VAV2: variants seen among roughly 807,000 people sequenced by gnomAD.
VAV2 encodes guanine nucleotide exchange factor VAV2.
A neutral mutation model predicts 132.5 loss-of-function variants in VAV2; 67 were observed. The observed-to-expected ratio is 0.51, with a 90% confidence interval of 0.42 to 0.62. The LOEUF is 0.62. VAV2 is among the 20% of genes least tolerant of loss of function. The pLI, the probability that VAV2 is intolerant of heterozygous loss-of-function variation, is 0.00. For synonymous variants in VAV2, 492 were observed against 443.5 expected, an observed-to-expected ratio of 1.11 and a Z score of -1.37; for missense variants, 938 against 1,153.6, an observed-to-expected ratio of 0.81 and a Z score of 2.71.
rs1588178440 is a variant in VAV2 at position 133,791,224 on chromosome 9, T to C, written c.1188+559A>G. Among the ~76,000 whole-genome samples the C allele has an allele frequency of 3.9e-5, 6 of 152,298 alleles. 1 individual carries two copies. In the South Asian group the frequency reaches 1.2e-3, roughly 32 times the overall value. ...CTCTCCCCAGGCAGGACGAGGTGAC[T>C]GACTCGGTAGCCCAAGCCTGGCCTC... On this transcript the variant is annotated intron_variant, in intron 13 of 29. Coordinates refer to ENST00000371850, the MANE Select transcript of VAV2 (RefSeq NM_001134398.2).
chr9:133,900,480 T>A (rs956517800), intron 2 of VAV2, among the ~76,000 whole-genome samples: 2 of 151,968 alleles, frequency 1.3e-5, no homozygotes, highest in Non-Finnish European at 2.9e-5. Context: ...CTCCACCCTA[T>A]CTGTATAAAA....
intron 3 of VAV2, among the ~76,000 whole-genome samples, chr9:133,855,926 C>T (rs556607610): frequency 7.6e-4 from 115 of 152,204 alleles, no homozygotes; most frequent in Non-Finnish European, 1.3e-3. Flanking sequence ...ACGTGATAAA[C>T]GGATACGCAA....
At chr9:133,827,530 CCACTGAG>C (rs141443105) in intron 4 of VAV2, among the ~76,000 whole-genome samples, 1 of 74,828 alleles carries the variant, frequency 1.3e-5, no homozygotes. Context: ...CTGGGGCTGA[CCACTGAG>C]CACGGGCATC....
chr9:133,962,656 G>C (rs756979202), intron 1 of VAV2, among the ~76,000 whole-genome samples: 1 of 152,184 alleles, frequency 6.6e-6, no homozygotes, highest in South Asian at 2.1e-4. Context: ...GCTGGGACTC[G>C]GGGGGCTGTG....
intron 1 of VAV2, among the ~76,000 whole-genome samples, chr9:133,954,974 T>C (rs1056017173): frequency 1.3e-5 from 2 of 152,162 alleles, no homozygotes; most frequent in African/African-American, 2.4e-5. Context: ...GTTTTCATTA[T>C]ACTGCTGTTT....
At position 133,820,574 on chromosome 9, in the gene VAV2, C is replaced by T. The variant is rs1009159913; in HGVS notation, c.450-8358G>A. Among the ~76,000 whole-genome samples the T allele has an allele frequency of 1.6e-4, 24 of 152,314 alleles. 1 individual carries two copies. The highest frequency in any genetic ancestry group is 5.3e-4 in the African/African-American group (22 of 41,584). On this transcript the variant is annotated intron_variant, in intron 4 of 29. Coordinates refer to ENST00000371850, the MANE Select transcript of VAV2 (RefSeq NM_001134398.2). The stretch of plus-strand genomic sequence containing the variant: ...TCTCCTGACCTCGTGATCCGCCCGC[C>T]TCGGCCTCCCAAAGTGCTGGGATTA...
At position 133,838,628 on chromosome 9, in the gene VAV2, T is replaced by C. The variant is rs188487125; in HGVS notation, c.381-4288A>G. Among the ~76,000 whole-genome samples the C allele has an allele frequency of 4.7e-3, 625 of 133,964 alleles. 5 individuals carry two copies. The highest frequency in any genetic ancestry group is 0.017 in the African/African-American group (589 of 34,644). The allele number at this position is 133,964 out of a possible 152,430, so 87.9% of individuals were successfully genotyped here. A position where few individuals can be genotyped will look rare whatever the true frequency, so the allele number is the denominator to read the frequency against. ...ATGGATGTATGGGTGTATGGGTAAGTGGGTAGGTGAATGTATAGATGGATG... is the reference window on the plus strand; with the variant it reads ...ATGGATGTATGGGTGTATGGGTAAGCGGGTAGGTGAATGTATAGATGGATG... On this transcript the variant is annotated intron_variant, in intron 3 of 29. Transcript: ENST00000371850.
intron 1 of VAV2, among the ~76,000 whole-genome samples, chr9:133,971,592 G>A (rs1180010610): frequency 6.6e-6 from 1 of 152,178 alleles, no homozygotes; most frequent in Non-Finnish European, 1.5e-5. Flanking sequence ...TCCTGCCCAG[G>A]CCACCCATTT....
intron 1 of VAV2, among the ~76,000 whole-genome samples, chr9:133,948,534 T>C (rs1841447809): frequency 6.6e-6 from 1 of 152,020 alleles, no homozygotes; most frequent in Non-Finnish European, 1.5e-5. Context: ...GCGGCCCGCG[T>C]GCCCTCAGGA....
intron 1 of VAV2, among the ~76,000 whole-genome samples, chr9:133,955,632 C>T (rs1305296820): frequency 2.3e-4 from 6 of 25,964 alleles, no homozygotes; most frequent in African/African-American, 3.9e-4. Flanking sequence ...CTCCCCACCA[C>T]GCTCCTCCAA....
At chr9:133,957,677 G>A (rs982135272) in intron 1 of VAV2, among the ~76,000 whole-genome samples, 2 of 152,066 alleles carry the variant, frequency 1.3e-5, no homozygotes, top group African/African-American at 4.8e-5. Flanking sequence ...CGTCACAGCT[G>A]GCCCCACCTC....
intron 2 of VAV2, among the ~76,000 whole-genome samples, chr9:133,911,173 C>T (rs1417726834): frequency 2.0e-5 from 3 of 152,234 alleles, no homozygotes; most frequent in Admixed American, 6.5e-5. Context: ...ACCGGAAGCA[C>T]ATTTTTAATA....
chr9:133,917,419 T>C (rs1008755560), intron 2 of VAV2, among the ~76,000 whole-genome samples: 1 of 147,448 alleles, frequency 6.8e-6, no homozygotes. Flanking sequence ...GAACCCATCA[T>C]GAGAAAAACA....
chr9:133,974,241 G>C (rs192384981), intron 1 of VAV2, among the ~76,000 whole-genome samples: 2 of 152,170 alleles, frequency 1.3e-5, no homozygotes, highest in Non-Finnish European at 2.9e-5. Context: ...AGCCAGGCAC[G>C]GGGTAGCGGT....
chr9:133,808,079 AG>A (rs1371868129), intron 7 of VAV2, among the ~76,000 whole-genome samples: 4 of 152,250 alleles, frequency 2.6e-5, no homozygotes, highest in African/African-American at 9.6e-5. Flanking sequence ...GACAGACCTC[AG>A]GAGCCCTCCT....
chr9:133,778,148 C>A (rs1833881253), intron 22 of VAV2, among the ~76,000 whole-genome samples: 1 of 152,140 alleles, frequency 6.6e-6, no homozygotes, highest in African/African-American at 2.4e-5. Context: ...CCCTTTACAG[C>A]CCAGCCATCT....
chr9:133,825,370 C>G (rs1216090170), intron 4 of VAV2, among the ~76,000 whole-genome samples: 2 of 152,124 alleles, frequency 1.3e-5, no homozygotes, highest in Non-Finnish European at 2.9e-5. Context: ...TTCATTCCGG[C>G]CTCCTTCAGA....
At chr9:133,983,513 G>A (rs1658156583) in intron 1 of VAV2, among the ~76,000 whole-genome samples, 1 of 152,050 alleles carries the variant, frequency 6.6e-6, no homozygotes, top group Admixed American at 6.5e-5. Context: ...CCATCTCCAA[G>A]TCCCAAACCG....
At chr9:133,887,175 C>T (rs1302188552) in intron 2 of VAV2, among the ~76,000 whole-genome samples, 2 of 152,198 alleles carry the variant, frequency 1.3e-5, no homozygotes, top group African/African-American at 2.4e-5. Context: ...GCCCATTCAG[C>T]AGGAAGGGAC....
Sources: gnomAD v4.1 joint callset for allele counts (sites outside exome capture counted in the v4.1 genomes callset) on GRCh38, gnomAD v4.1.1 for gene constraint, MANE v1.5 for transcripts, NCBI Gene and HGNC (gene_info 2026-07-23, HGNC 2026-07-21) for gene names.